RSF1: variants seen among roughly 807,000 people sequenced by gnomAD.
RSF1 encodes HBV pX-associated protein 8.
In RSF1, 13 loss-of-function variants were observed where a neutral mutation model predicts 145.2. The ratio of observed to expected loss-of-function variants is 0.09; its 90% CI spans 0.06 to 0.14. RSF1 has a LOEUF of 0.14. Ranked by LOEUF, RSF1 falls within the 10% of genes least tolerant of loss-of-function variation. RSF1 has a pLI of 1.00. For missense variants in RSF1, 1,517 were observed against 1,718.2 expected, an observed-to-expected ratio of 0.88 and a Z score of 2.07; for synonymous variants, 577 against 592.6, an observed-to-expected ratio of 0.97 and a Z score of 0.38.
At chr11:77,832,532 G>C in the RSF1 span, among the ~76,000 whole-genome samples, 1 of 151,834 alleles carries the variant, frequency 6.6e-6, no homozygotes, top group Non-Finnish European at 1.5e-5. Context: ...CTCCATGTTG[G>C]TCAGGCTGGT....
rs1959301041 is a variant in RSF1 at position 77,664,070 on chromosome 11, GTCTTTGT to G, written c.*2840_*2846del. ...TTCTGCAGTTCGTAGTGACTGTATT[GTCTTTGT>G]ATACAGAACATTTCGTTTTCTAAAA... is the stretch of plus-strand genomic sequence containing the variant. On this transcript the variant is annotated 3_prime_UTR_variant, in exon 16 of 16. Transcript: ENST00000308488. The G allele has an allele frequency of 1.3e-5, 2 of 152,088 alleles. No homozygotes were observed. The highest frequency in any genetic ancestry group is 2.9e-5 in the Non-Finnish European group (2 of 68,008). 9.4% of individuals were successfully genotyped at this position (152,088 alleles called of 1,614,324 possible).
At chr11:77,724,439 T>C (rs1270602901) in intron 5 of RSF1, among the ~76,000 whole-genome samples, 2 of 152,196 alleles carry the variant, frequency 1.3e-5, no homozygotes, top group African/African-American at 4.8e-5. Context: ...GGCAGCATTA[T>C]TCACAACGTC....
intron 14 of RSF1, among the ~76,000 whole-genome samples, chr11:77,672,934 C>T (rs576118600): frequency 6.6e-5 from 10 of 152,272 alleles, no homozygotes; most frequent in South Asian, 4.1e-4. Flanking sequence ...CCGCCTGCCT[C>T]GGCCTCCCAA....
chr11:77,864,193 T>G, the RSF1 span, among the ~76,000 whole-genome samples: 221 of 152,178 alleles, frequency 1.5e-3, no homozygotes, highest in African/African-American at 5.0e-3. Context: ...TCCCAAAGTG[T>G]TGGGATTACA....
At chr11:77,772,814 T>C (rs572400021) in intron 1 of RSF1, among the ~76,000 whole-genome samples, 2 of 129,026 alleles carry the variant, frequency 1.6e-5, no homozygotes, top group African/African-American at 3.1e-5. Context: ...CTGGAAAACT[T>C]AGACCTGAGA....
chr11:77,666,157 A>G lies in RSF1; in HGVS notation c.*760T>C, dbSNP rs1959357595. 1 of 152,206 alleles carries G rather than the reference A, an allele frequency of 6.6e-6. No homozygotes were observed. The highest frequency in any genetic ancestry group is 2.4e-5 in the African/African-American group (1 of 41,446). 9.4% of individuals were successfully genotyped at this position (152,206 alleles called of 1,614,324 possible). A position where few individuals can be genotyped will look rare whatever the true frequency, so the allele number is the denominator to read the frequency against. On this transcript the variant is annotated 3_prime_UTR_variant, in exon 16 of 16. Coordinates refer to ENST00000308488, the MANE Select transcript of RSF1 (RefSeq NM_016578.4). ...AGGCCACCTTATTACCACTGCATAA[A>G]GCTTATTTAAAAAAATTTGTTGCTA...
chr11:77,858,629 C>A, the RSF1 span, among the ~76,000 whole-genome samples: 1 of 152,102 alleles, frequency 6.6e-6, no homozygotes, highest in Non-Finnish European at 1.5e-5. Context: ...TCTCAGTCCC[C>A]CCTCTCAACA....
At chr11:77,812,652 G>A (rs774430030) in intron 1 of RSF1, among the ~76,000 whole-genome samples, 6 of 152,208 alleles carry the variant, frequency 3.9e-5, no homozygotes, top group South Asian at 2.1e-4. Flanking sequence ...TTGGGAGGCC[G>A]GGGCAGGCAG....
Position 77,676,782 on chromosome 11 carries a change from G to A in RSF1, c.3341+10C>T. The A allele has an allele frequency of 6.2e-7, 1 of 1,611,066 alleles. No individual in the cohort carries two copies. Among genetic ancestry groups the A allele is most frequent in the Admixed American group, 1.7e-5 (1 of 59,762 alleles). On this transcript the variant is annotated intron_variant, in intron 13 of 15. Transcript: ENST00000308488. ...ATCTAGGGATCGGGGCCTAGTAGGA[G>A]ACCACACACCCATCACTGATCTTGA... is the stretch of plus-strand genomic sequence containing the variant.
intron 15 of RSF1, among the ~76,000 whole-genome samples, chr11:77,671,514 A>G (rs1959549377): frequency 6.6e-6 from 1 of 152,096 alleles, no homozygotes; most frequent in African/African-American, 2.4e-5. Context: ...TCTAGTTTCA[A>G]TGAAAATTTA....
chr11:77,851,180 C>G, the RSF1 span, among the ~76,000 whole-genome samples: 653 of 152,242 alleles, frequency 4.3e-3, 1 homozygote, highest in Non-Finnish European at 7.0e-3. Context: ...GTCTTGAACT[C>G]CTGACCTCGT....
chr11:77,757,930 G>C (rs535166713), intron 2 of RSF1, among the ~76,000 whole-genome samples: 1 of 152,258 alleles, frequency 6.6e-6, no homozygotes, highest in South Asian at 2.1e-4. Context: ...AGGAGTTCAA[G>C]ATCAGCCTGG....
chr11:77,700,127 C>T (rs566122850), intron 6 of RSF1, among the ~76,000 whole-genome samples: 6 of 151,938 alleles, frequency 3.9e-5, no homozygotes, highest in South Asian at 2.1e-4. Flanking sequence ...CCGAGGTGGA[C>T]GGATCACCAG....
intron 2 of RSF1, among the ~76,000 whole-genome samples, chr11:77,761,817 T>C (rs1948174730): frequency 7.0e-6 from 1 of 143,512 alleles, no homozygotes; most frequent in Admixed American, 7.5e-5. Flanking sequence ...AGTTTAAATT[T>C]CCATTCGGTG....
intron 7 of RSF1, among the ~76,000 whole-genome samples, chr11:77,697,878 A>C (rs1960320975): frequency 6.6e-6 from 1 of 152,212 alleles, no homozygotes; most frequent in Non-Finnish European, 1.5e-5. Flanking sequence ...GCCATTAAAA[A>C]AAATTTAAAG....
chr11:77,787,974 C>CA (rs1948474757), intron 1 of RSF1, among the ~76,000 whole-genome samples: 1 of 148,444 alleles, frequency 6.7e-6, no homozygotes, highest in African/African-American at 2.5e-5. Flanking sequence ...ACTAAAAATA[C>CA]AAAAAAATAC....
rs774617164 is a variant in RSF1 at position 77,678,098 on chromosome 11, C to T, written c.3121G>A (p.Ala1041Thr). The part of the protein sequence containing the change: ...DEAIEDDIKE[A>T]DGGGVGRGKD... ...GACAAACACATACCTCCTCCATCGG[C>T]TTCTTTGATGTCATCTTCAATAGCT... Residue 1041 changes from alanine (A) to threonine (T), a missense_variant, in exon 12 of 16, where the codon GCC (alanine) becomes ACC (threonine). Ala to Thr is a moderately conservative substitution (Grantham distance 58). This residue lies in a region of RSF1 where 231 missense variants were observed against 276.6 expected (regional missense o/e 0.84). Coordinates refer to ENST00000308488, the MANE Select transcript of RSF1 (RefSeq NM_016578.4). 6.2e-7 allele frequency: 1 copy of T among 1,611,802 alleles called. No individual in the cohort carries two copies. Among genetic ancestry groups the T allele is most frequent in the Non-Finnish European group, 8.5e-7 (1 of 1,178,826 alleles).
intron 11 of RSF1, among the ~76,000 whole-genome samples, chr11:77,681,106 G>T (rs754440036): frequency 4.6e-5 from 7 of 152,130 alleles, no homozygotes; most frequent in Admixed American, 3.9e-4. Flanking sequence ...AAACAGCCTT[G>T]ATTTATATCC....
At chr11:77,745,210 T>C (rs1282484092) in intron 3 of RSF1, among the ~76,000 whole-genome samples, 2 of 152,276 alleles carry the variant, frequency 1.3e-5, no homozygotes, top group East Asian at 3.9e-4. Flanking sequence ...GTTTATCTTC[T>C]CAAAAACCAA....
Sources: gnomAD v4.1 joint callset for allele counts (sites outside exome capture counted in the v4.1 genomes callset) on GRCh38, gnomAD v4.1.1 for gene constraint, gnomAD v4.1.1 regional missense constraint, MANE v1.5 for transcripts, NCBI Gene and HGNC (gene_info 2026-07-23, HGNC 2026-07-21) for gene names.